SUPT20H: variants seen among roughly 807,000 people sequenced by gnomAD.
SUPT20H encodes transcription factor SPT20 homolog.
In SUPT20H, 82 loss-of-function variants were observed where a neutral mutation model predicts 122.8. The observed-to-expected ratio is 0.67, with a 90% CI of 0.56 to 0.80. SUPT20H has a LOEUF of 0.80. SUPT20H is among the 30% of genes least tolerant of loss of function. The probability of loss-of-function intolerance (pLI) is 0.00; values close to 1 mark genes in which losing one functional copy is unlikely to be tolerated. For missense variants in SUPT20H, 831 were observed against 921.6 expected (o/e 0.90, Z 1.27); for synonymous variants, 291 against 313.0 (o/e 0.93, Z 0.74).
chr13:37,023,131 C>T (rs1325642748), intron 19 of SUPT20H: 5 of 1,112,076 alleles, frequency 4.5e-6, no homozygotes, highest in Non-Finnish European at 5.8e-6. Flanking sequence ...AGTAGATTAC[C>T]ATAATCCATA....
rs546634092 is a variant in SUPT20H at position 37,042,851 on chromosome 13, A to G, written c.396+1227T>C. Among the ~76,000 whole-genome samples, 16 of 152,274 alleles carry G rather than the reference A, an allele frequency of 1.1e-4. No homozygotes were observed. In the East Asian group the frequency reaches 3.1e-3, roughly 29 times the overall value. On this transcript the variant is annotated intron_variant, in intron 7 of 25. Coordinates refer to ENST00000350612, the MANE Select transcript of SUPT20H (RefSeq NM_001014286.3). ...TATGAGGTCAAGGGAGGATTTTTTT[A>G]AAATTTGAGACATACAGGTTAAGAA... is the stretch of plus-strand genomic sequence containing the variant.
At chr13:37,040,913 T>C (rs1185956000) in intron 7 of SUPT20H, among the ~76,000 whole-genome samples, 7 of 152,186 alleles carry the variant, frequency 4.6e-5, no homozygotes, top group African/African-American at 1.7e-4. Context: ...TTTAAAACTA[T>C]TTAATAGTTT....
Position 37,058,484 on chromosome 13 carries a change from T to C in SUPT20H, c.-94+1075A>G, listed in dbSNP as rs113374397. 3.2e-3 allele frequency among the ~76,000 whole-genome samples: 480 copies of C among 152,346 alleles called. 1 individual carries two copies. The highest frequency in any genetic ancestry group is 6.1e-3 in the Non-Finnish European group (412 of 68,030). ...TACTTTTCGGACAAAATGTGATGAC[T>C]TTAAGATTTCTTGTCACTAAATTGG... On this transcript the variant is annotated intron_variant, in intron 1 of 25. Transcript: ENST00000350612.
chr13:37,045,922 T>G (rs1051214961), intron 5 of SUPT20H, among the ~76,000 whole-genome samples: 1 of 152,036 alleles, frequency 6.6e-6, no homozygotes, highest in African/African-American at 2.4e-5. Flanking sequence ...ATTTGGACAT[T>G]TTCTATAAAT....
chr13:37,041,345 G>A (rs926395173), intron 7 of SUPT20H, among the ~76,000 whole-genome samples: 22 of 151,958 alleles, frequency 1.4e-4, no homozygotes, highest in African/African-American at 4.1e-4. Flanking sequence ...GTGAAACTGC[G>A]TCTCTACTAA....
Position 37,009,348 on chromosome 13 carries a change from C to A in SUPT20H, c.*324G>T, listed in dbSNP as rs573868857. 2 of 1,046,312 alleles carry A rather than the reference C, an allele frequency of 1.9e-6. No homozygotes were observed. The highest frequency in any genetic ancestry group is 2.9e-6 in the Non-Finnish European group (2 of 683,856). 64.8% of individuals were successfully genotyped at this position (1,046,312 alleles called of 1,614,324 possible). A position where few individuals can be genotyped will look rare whatever the true frequency, so the allele number is the denominator to read the frequency against. On this transcript the variant is annotated 3_prime_UTR_variant, in exon 26 of 26. Coordinates refer to ENST00000350612, the MANE Select transcript of SUPT20H (RefSeq NM_001014286.3). ...GATTTGTAAAAATTGTATTTGTTAA[C>A]ACTGTGCACAAACGTTTTATACTAA... is the stretch of plus-strand genomic sequence containing the variant.
chr13:37,033,523 A>G lies in SUPT20H; in HGVS notation c.633T>C (p.Pro211=). ...LATAEPLCLD[P]SIAVTCTANR... is the part of the protein sequence containing the mutation. The stretch of plus-strand genomic sequence containing the variant: ...TTGCAGTGCAGGTGACTGCTATAGA[A>G]GGATCAAGACAGAGTGGTTCAGCTG... The change falls in exon 10 of 26, where the codon CCT becomes CCC. Residue 211 remains proline, a synonymous_variant. Transcript: ENST00000350612. The G allele has an allele frequency of 6.2e-7, 1 of 1,613,806 alleles. No homozygotes were observed.
intron 14 of SUPT20H, among the ~76,000 whole-genome samples, chr13:37,027,118 T>C (rs2062433541): frequency 6.6e-6 from 1 of 152,046 alleles, no homozygotes. Flanking sequence ...TTTTTAAATA[T>C]AAGTAATCAA....
At chr13:37,010,752 TAGC>T (rs879301848) in intron 24 of SUPT20H, 97 bp from the exon 25 acceptor site, 2 of 805,414 alleles carry the variant, frequency 2.5e-6, no homozygotes, top group South Asian at 1.6e-5. Flanking sequence ...ATAGAAAAGT[TAGC>T]AGTATGATTA....
intron 14 of SUPT20H, 26 bp downstream of exon 14, chr13:37,028,122 A>C: frequency 1.3e-6 from 2 of 1,506,288 alleles, no homozygotes; most frequent in African/African-American, 2.9e-5. Context: ...TTTTTTTTCC[A>C]GTTACTTGTA....
chr13:37,015,467 T>C (rs949785043), intron 23 of SUPT20H, among the ~76,000 whole-genome samples: 6 of 147,834 alleles, frequency 4.1e-5, no homozygotes, highest in African/African-American at 7.6e-5. Context: ...TCACACCCAT[T>C]AGGAAGGCTG....
At chr13:37,023,181 TTA>T (rs1339157841) in intron 19 of SUPT20H, 1 of 846,552 alleles carries the variant, frequency 1.2e-6, no homozygotes, top group Non-Finnish European at 1.5e-6. Context: ...TTCAGAAAAT[TTA>T]TATATTTTTC....
chr13:37,046,673 A>T (rs1274166005), intron 5 of SUPT20H, among the ~76,000 whole-genome samples: 2 of 152,176 alleles, frequency 1.3e-5, no homozygotes, highest in Non-Finnish European at 2.9e-5. Flanking sequence ...TGTCACTGAC[A>T]TGATGAATAT....
chr13:37,021,491 T>C lies in SUPT20H; in HGVS notation c.1773A>G (p.Leu591=). The change falls in exon 21 of 26, where the codon CTA becomes CTG. Residue 591 remains leucine, a synonymous_variant. Coordinates refer to ENST00000350612, the MANE Select transcript of SUPT20H (RefSeq NM_001014286.3). ...LSGLLPSGGL[L]PNALPSAMQA... is the part of the protein sequence containing the mutation. ...GCATTGCACTGGGCAGTGCATTTGG[T>C]AGCAGACCTCCTGAGGGTAGAAGGC... 6.2e-7 allele frequency: 1 copy of C among 1,614,018 alleles called. No individual in the cohort carries two copies. The highest frequency in any genetic ancestry group is 8.5e-7 in the Non-Finnish European group (1 of 1,179,954).
intron 1 of SUPT20H, among the ~76,000 whole-genome samples, chr13:37,054,520 C>T (rs1413084092): frequency 1.3e-5 from 2 of 151,756 alleles, no homozygotes; most frequent in African/African-American, 4.8e-5. Flanking sequence ...ACAAAAACCA[C>T]GATTATCTCA....
chr13:37,033,498 T>C lies in SUPT20H; in HGVS notation c.658A>G (p.Asn220Asp), dbSNP rs777830466. ...TTTTGCTTGTTATAGAGCAGTCTGT[T>C]TGCAGTGCAGGTGACTGCTATAGAA... The part of the protein sequence containing the change: ...DPSIAVTCTA[N>D]RLLYNKQKMN... Residue 220 changes from asparagine (N) to aspartate (D), a missense_variant, in exon 10 of 26, where the codon AAC becomes GAC. Physicochemically the swap from Asn to Asp is conservative, Grantham distance 23 (BLOSUM62 1). Coordinates refer to ENST00000350612, the MANE Select transcript of SUPT20H (RefSeq NM_001014286.3). 30 of 1,613,506 alleles carry C rather than the reference T, an allele frequency of 1.9e-5. No individual in the cohort carries two copies. Among genetic ancestry groups the C allele is most frequent in the Non-Finnish European group, 2.5e-5 (30 of 1,179,740 alleles).
chr13:37,018,990 A>C (rs939087699), intron 22 of SUPT20H, among the ~76,000 whole-genome samples: 3 of 152,182 alleles, frequency 2.0e-5, no homozygotes, highest in East Asian at 1.9e-4. Context: ...ACAAAAAAAA[A>C]CCAGTATTAC....
intron 16 of SUPT20H, 185 bp downstream of exon 16, chr13:37,026,019 C>A: frequency 2.3e-6 from 1 of 438,326 alleles, no homozygotes; most frequent in Non-Finnish European, 4.1e-6. Flanking sequence ...TTGGAAAGGA[C>A]CTTAGAGGTT....
intron 23 of SUPT20H, among the ~76,000 whole-genome samples, chr13:37,015,762 A>G (rs1311385335): frequency 6.6e-6 from 1 of 152,234 alleles, no homozygotes; most frequent in Non-Finnish European, 1.5e-5. Context: ...ACAATAGCCG[A>G]AAGGTGGAAG....
Sources: gnomAD v4.1 joint callset for allele counts (sites outside exome capture counted in the v4.1 genomes callset) on GRCh38, gnomAD v4.1.1 for gene constraint, MANE v1.5 for transcripts, NCBI Gene and HGNC (gene_info 2026-07-23, HGNC 2026-07-21) for gene names.